Variants in NBEA observed in about 807,000 individuals in gnomAD.
The protein encoded by NBEA is lysosomal-trafficking regulator 2.
In NBEA, 44 loss-of-function variants were observed where a neutral mutation model predicts 343.4. The ratio of observed to expected loss-of-function variants is 0.13; its 90% CI spans 0.10 to 0.16. NBEA has a LOEUF of 0.16. Ranked by LOEUF, NBEA falls within the 10% of genes least tolerant of loss-of-function variation. The probability of loss-of-function intolerance (pLI) is 1.00; values close to 1 mark genes in which losing one functional copy is unlikely to be tolerated. For missense variants in NBEA, 2,555 were observed against 3,631.3 expected, an observed-to-expected ratio of 0.70 and a Z score of 7.62; for synonymous variants, 1,175 against 1,238.7, an observed-to-expected ratio of 0.95 and a Z score of 1.08.
intron 11 of NBEA, among the ~76,000 whole-genome samples, chr13:35,101,733 A>T (rs1013271662): frequency 1.2e-4 from 18 of 151,602 alleles, no homozygotes; most frequent in African/African-American, 4.1e-4. Flanking sequence ...TTTGTTAAAT[A>T]CCTCTTTAGA....
At chr13:35,524,336 C>T (rs1036142942) in intron 41 of NBEA, among the ~76,000 whole-genome samples, 6 of 152,212 alleles carry the variant, frequency 3.9e-5, no homozygotes, top group African/African-American at 1.4e-4. Flanking sequence ...CAGCAATGAA[C>T]ATTGTGATCT....
intron 38 of NBEA, among the ~76,000 whole-genome samples, chr13:35,418,158 G>C (rs939423800): frequency 6.6e-6 from 1 of 152,088 alleles, no homozygotes; most frequent in Non-Finnish European, 1.5e-5. Context: ...TGTGTCTCCT[G>C]AATACAGCAC....
At chr13:35,013,271 A>G (rs529178121) in intron 1 of NBEA, among the ~76,000 whole-genome samples, 1 of 152,280 alleles carries the variant, frequency 6.6e-6, no homozygotes, top group South Asian at 2.1e-4. Flanking sequence ...CCTGAGAGAT[A>G]TATCTAGCCC....
intron 1 of NBEA, among the ~76,000 whole-genome samples, chr13:35,031,266 C>T (rs894627295): frequency 6.6e-6 from 1 of 151,604 alleles, no homozygotes; most frequent in Non-Finnish European, 1.5e-5. Flanking sequence ...GTACAAGATT[C>T]ACAGTAGTGA....
intron 1 of NBEA, among the ~76,000 whole-genome samples, chr13:34,957,334 T>C (rs1004888333): frequency 6.6e-6 from 1 of 152,132 alleles, no homozygotes; most frequent in Non-Finnish European, 1.5e-5. Context: ...GTGAAGAGAC[T>C]CAGCAGGCCA....
At chr13:35,217,657 T>A (rs780213188) in intron 33 of NBEA, among the ~76,000 whole-genome samples, 1 of 152,052 alleles carries the variant, frequency 6.6e-6, no homozygotes, top group Non-Finnish European at 1.5e-5. Context: ...TTTTAAGACC[T>A]TTTAAGGCAA....
intron 41 of NBEA, among the ~76,000 whole-genome samples, chr13:35,521,683 C>T (rs1241418895): frequency 1.3e-5 from 2 of 152,172 alleles, no homozygotes; most frequent in Non-Finnish European, 2.9e-5. Flanking sequence ...CACTGCTGCT[C>T]CATTACCAAC....
chr13:35,452,503 T>A (rs1435839319), intron 40 of NBEA, among the ~76,000 whole-genome samples: 1 of 152,216 alleles, frequency 6.6e-6, no homozygotes, highest in Non-Finnish European at 1.5e-5. Flanking sequence ...ACAGTATCAG[T>A]TATTCACATC....
At chr13:35,641,852 T>G (rs1302564876) in intron 49 of NBEA, among the ~76,000 whole-genome samples, 3 of 152,154 alleles carry the variant, frequency 2.0e-5, no homozygotes, top group African/African-American at 7.2e-5. Context: ...ATATATACAT[T>G]CATCAAGCTG....
chr13:35,498,406 A>T (rs1324458060), intron 41 of NBEA, among the ~76,000 whole-genome samples: 3 of 152,072 alleles, frequency 2.0e-5, no homozygotes, highest in Non-Finnish European at 4.4e-5. Flanking sequence ...GTCCTCTGGC[A>T]TTGATGACTG....
chr13:35,550,430 A>G, intron 41 of NBEA, 47 bp from the exon 42 acceptor site: 1 of 1,104,728 alleles, frequency 9.1e-7, no homozygotes, highest in South Asian at 1.4e-5. Context: ...TAGATCTTAA[A>G]TCCATATTTT....
intron 1 of NBEA, among the ~76,000 whole-genome samples, chr13:34,956,908 C>T (rs1470446503): frequency 6.6e-6 from 1 of 152,112 alleles, no homozygotes; most frequent in Non-Finnish European, 1.5e-5. Context: ...ACCTCGGCCT[C>T]CCAAAGTGTT....
At chr13:35,537,910 G>A (rs2078636296) in intron 41 of NBEA, among the ~76,000 whole-genome samples, 3 of 152,136 alleles carry the variant, frequency 2.0e-5, no homozygotes, top group Admixed American at 2.0e-4. Flanking sequence ...CAGAACTTCT[G>A]CTGCCTTATG....
rs765174196 is a variant in NBEA at position 35,305,573 on chromosome 13, C to T, written c.5839-3955C>T. ...ACTTCTGGCTAGAAGCTACAAGAGC[C>T]GGGGCATGCTTAGACCCCTTCTCTT... is the stretch of plus-strand genomic sequence containing the variant. On this transcript the variant is annotated intron_variant, in intron 35 of 58. Transcript: ENST00000379939. Among the ~76,000 whole-genome samples, 9 of 152,044 alleles carry T rather than the reference C, an allele frequency of 5.9e-5. No homozygotes were observed. The South Asian group carries it at 6.2e-4, about 11-fold the overall frequency.
rs1341551521 is a variant in NBEA at position 35,432,262 on chromosome 13, C to T, written c.6180-7C>T. 6.3e-7 allele frequency: 1 copy of T among 1,592,934 alleles called. No homozygotes were observed. The highest frequency in any genetic ancestry group is 8.6e-7 in the Non-Finnish European group (1 of 1,168,354). On this transcript the variant is annotated splice_region_variant and splice_polypyrimidine_tract_variant and intron_variant, in intron 38 of 58. Transcript: ENST00000379939. ...ATAGGGATTACTTTTTTTCCCTCTA[C>T]TCTTAGCCAATTGCATGATTTCTGG...
chr13:35,142,290 C>T lies in NBEA; in HGVS notation c.2358C>T (p.His786=), dbSNP rs1305997894. Residue 786 remains histidine, a synonymous_variant, in exon 18 of 59, where the codon CAC becomes CAT. Coordinates refer to ENST00000379939, the MANE Select transcript of NBEA (RefSeq NM_001385012.1). The part of the protein sequence containing the change: ...LGHKRKVEIM[H]THSLFTLLGE... ...CCAGGAGAAAAGTTGAAATTATGCACACCCATAGTCTTTTCACTCTTCTTG... is the reference window on the plus strand; with the variant it reads ...CCAGGAGAAAAGTTGAAATTATGCATACCCATAGTCTTTTCACTCTTCTTG... The T allele has an allele frequency of 3.9e-5, 63 of 1,610,496 alleles. No homozygotes were observed. The highest frequency in any genetic ancestry group is 5.3e-5 in the Non-Finnish European group (63 of 1,177,964).
At chr13:35,301,173 T>G (rs1355644007) in intron 35 of NBEA, among the ~76,000 whole-genome samples, 1 of 151,978 alleles carries the variant, frequency 6.6e-6, no homozygotes, top group Non-Finnish European at 1.5e-5. Flanking sequence ...ACAATATGTT[T>G]TTTTTTTTTT....
At chr13:35,239,307 T>C (rs1439169582) in intron 34 of NBEA, among the ~76,000 whole-genome samples, 1 of 152,050 alleles carries the variant, frequency 6.6e-6, no homozygotes. Context: ...ATCAGCTTAT[T>C]TGTGGCAAGG....
At chr13:35,122,144 G>A (rs951353997) in intron 16 of NBEA, among the ~76,000 whole-genome samples, 1 of 151,988 alleles carries the variant, frequency 6.6e-6, no homozygotes. Flanking sequence ...TATATTAGTG[G>A]AGGCTATTTT....
Sources: allele counts gnomAD v4.1 joint callset (sites outside exome capture counted in the v4.1 genomes callset), GRCh38; gene constraint gnomAD v4.1.1; transcripts MANE v1.5; gene names NCBI Gene and HGNC (gene_info 2026-07-23, HGNC 2026-07-21).